The following ANTXR2 variants were observed in gnomAD, a reference collection of about 807,000 sequenced individuals.
The protein encoded by ANTXR2 is anthrax toxin receptor 2.
In ANTXR2, 44 loss-of-function variants were observed where a neutral mutation model predicts 73.7. The ratio of observed to expected loss-of-function variants is 0.60; its 90% CI spans 0.47 to 0.77. The LOEUF (loss-of-function observed/expected upper bound fraction) is 0.77. Among genes scored for constraint, ANTXR2 ranks in the 30% least tolerant of loss-of-function variants. The pLI is 0.00. For missense variants in ANTXR2, 604 were observed against 592.5 expected, an observed-to-expected ratio of 1.02 and a Z score of -0.20; for synonymous variants, 217 against 205.9, an observed-to-expected ratio of 1.05 and a Z score of -0.46.
chr4:79,931,448 CT>C (rs796639250), intron 16 of ANTXR2, among the ~76,000 whole-genome samples: 71 of 90,720 alleles, frequency 7.8e-4, no homozygotes, highest in African/African-American at 5.7e-3. Context: ...TTCCTCGCTT[CT>C]TCTCTCTCTC....
In ANTXR2 at chr4:80,055,864, G is replaced by A. The variant is rs549534625; in HGVS notation, c.378+68C>T. 119 of 1,161,238 alleles carry A rather than the reference G, an allele frequency of 1.0e-4. No individual in the cohort carries two copies. In the African/African-American group the frequency reaches 1.5e-3, roughly 15 times the overall value. 71.9% of individuals were successfully genotyped at this position (1,161,238 alleles called of 1,614,324 possible). A position where few individuals can be genotyped will look rare whatever the true frequency, so the allele number is the denominator to read the frequency against. On this transcript the variant is annotated intron_variant, in intron 4 of 16. Transcript: ENST00000403729. ...GTAATGAGGTTACTGAGCTTTGCTAGAGGGTTTTATTTCACCACAGAATAA... is the reference window on the plus strand; with the variant it reads ...GTAATGAGGTTACTGAGCTTTGCTAAAGGGTTTTATTTCACCACAGAATAA...
intron 7 of ANTXR2, among the ~76,000 whole-genome samples, chr4:80,042,757 G>A (rs1324145773): frequency 6.6e-6 from 1 of 152,042 alleles, no homozygotes; most frequent in Non-Finnish European, 1.5e-5. Context: ...AGCAAGAAAT[G>A]CAAGCAGCAT....
chr4:80,005,185 T>C (rs762918399), intron 12 of ANTXR2, among the ~76,000 whole-genome samples: 5 of 152,124 alleles, frequency 3.3e-5, no homozygotes, highest in Non-Finnish European at 5.9e-5. Flanking sequence ...TCTGTATTGA[T>C]AAGAGCTCCT....
rs183755285 is a variant in ANTXR2, at chr4:79,981,855, C to T, written c.1179+2023G>A. On this transcript the variant is annotated intron_variant, in intron 14 of 16. Coordinates refer to ENST00000403729, the MANE Select transcript of ANTXR2 (RefSeq NM_058172.6). ...ACCCAGATTTATTACAAGTTGGCTG[C>T]GGTTTTTCGTCACAAATTTTGTTCA... is the stretch of plus-strand genomic sequence containing the variant. Among the ~76,000 whole-genome samples, 809 of 152,182 alleles carry T rather than the reference C, an allele frequency of 5.3e-3. 5 individuals carry two copies. The highest frequency in any genetic ancestry group is 0.012 in the Admixed American group (178 of 15,276).
intron 12 of ANTXR2, among the ~76,000 whole-genome samples, chr4:79,999,823 T>A (rs1478457981): frequency 1.3e-5 from 2 of 151,958 alleles, no homozygotes; most frequent in Non-Finnish European, 2.9e-5. Flanking sequence ...AGGCTGAAGC[T>A]GAGGCAGGAG....
At chr4:79,926,976 T>TAC (rs1553925982) in intron 16 of ANTXR2, among the ~76,000 whole-genome samples, 12,491 of 90,412 alleles carry the variant, frequency 0.14, 989 homozygotes, top group African/African-American at 0.27. Flanking sequence ...TGTGTATATA[T>TAC]ACGTGTGCAT....
intron 3 of ANTXR2, among the ~76,000 whole-genome samples, chr4:80,065,069 G>A (rs899313184): frequency 6.6e-6 from 1 of 152,132 alleles, no homozygotes; most frequent in Non-Finnish European, 1.5e-5. Context: ...ATTACAGGAA[G>A]TTCATATGAG....
intron 6 of ANTXR2, among the ~76,000 whole-genome samples, 184 bp from the exon 7 acceptor site, chr4:80,054,536 C>T (rs1463207063): frequency 1.3e-5 from 2 of 151,646 alleles, no homozygotes; most frequent in African/African-American, 4.8e-5. Context: ...AATGTATTAC[C>T]ACAAAATGAA....
intron 11 of ANTXR2, among the ~76,000 whole-genome samples, chr4:80,009,976 C>T (rs1426114136): frequency 6.6e-6 from 1 of 151,372 alleles, no homozygotes; most frequent in East Asian, 1.9e-4. Context: ...CAAACAGTTT[C>T]CAAGGGAACA....
chr4:79,927,580 C>A (rs566099554), intron 16 of ANTXR2, among the ~76,000 whole-genome samples: 1 of 152,036 alleles, frequency 6.6e-6, no homozygotes, highest in African/African-American at 2.4e-5. Context: ...ATACTTTATA[C>A]TATATTTTAG....
At chr4:80,021,951 G>C (rs1408078114) in intron 10 of ANTXR2, among the ~76,000 whole-genome samples, 1 of 152,082 alleles carries the variant, frequency 6.6e-6, no homozygotes, top group African/African-American at 2.4e-5. Context: ...CTAAGAACCA[G>C]ACACATTAAT....
At chr4:80,060,352 T>C (rs1404524136) in intron 3 of ANTXR2, among the ~76,000 whole-genome samples, 1 of 152,226 alleles carries the variant, frequency 6.6e-6, no homozygotes, top group Admixed American at 6.5e-5. Flanking sequence ...TCTAATGCGC[T>C]GCCAGGATTA....
At chr4:79,931,120 C>T (rs1460586341) in intron 16 of ANTXR2, among the ~76,000 whole-genome samples, 1 of 152,080 alleles carries the variant, frequency 6.6e-6, no homozygotes, top group African/African-American at 2.4e-5. Flanking sequence ...TCAACTAAAC[C>T]AAACCTCACA....
intron 16 of ANTXR2, among the ~76,000 whole-genome samples, chr4:79,954,169 G>C (rs1176314111): frequency 6.6e-6 from 1 of 152,008 alleles, no homozygotes; most frequent in Non-Finnish European, 1.5e-5. Flanking sequence ...TCTCTATATA[G>C]TTGTTGTTTG....
chr4:79,915,289 TA>T (rs1242885325), intron 16 of ANTXR2, among the ~76,000 whole-genome samples: 1 of 152,120 alleles, frequency 6.6e-6, no homozygotes, highest in Non-Finnish European at 1.5e-5. Context: ...CTGCAATATT[TA>T]AAACTGACTT....
chr4:80,026,599 T>C (rs959995872), intron 10 of ANTXR2, among the ~76,000 whole-genome samples: 14 of 152,122 alleles, frequency 9.2e-5, no homozygotes, highest in Non-Finnish European at 1.2e-4. Flanking sequence ...AATAATTATC[T>C]ACTAAATAAT....
At chr4:79,911,164 C>A (rs1370326544) in intron 16 of ANTXR2, among the ~76,000 whole-genome samples, 1 of 152,138 alleles carries the variant, frequency 6.6e-6, no homozygotes, top group Non-Finnish European at 1.5e-5. Context: ...CACTGCAGAG[C>A]AATTTTTATT....
intron 16 of ANTXR2, among the ~76,000 whole-genome samples, chr4:79,961,810 A>G (rs1308804860): frequency 6.6e-6 from 1 of 152,166 alleles, no homozygotes; most frequent in Non-Finnish European, 1.5e-5. Flanking sequence ...AAACCAGTGC[A>G]TTGAGAAGAG....
At chr4:80,053,469 A>G (rs1360221647) in intron 7 of ANTXR2, among the ~76,000 whole-genome samples, 1 of 151,776 alleles carries the variant, frequency 6.6e-6, no homozygotes, top group Non-Finnish European at 1.5e-5. Flanking sequence ...TTAAAGAGAA[A>G]TTTAAAATCC....
Sources: gnomAD v4.1 joint callset for allele counts (sites outside exome capture counted in the v4.1 genomes callset) on GRCh38, gnomAD v4.1.1 for gene constraint, MANE v1.5 for transcripts, NCBI Gene and HGNC (gene_info 2026-07-23, HGNC 2026-07-21) for gene names.